KIRREL3: variants seen among roughly 807,000 people sequenced by gnomAD.
KIRREL3 encodes kin of IRRE-like protein 3.
In KIRREL3, 36 loss-of-function variants were observed where a neutral mutation model predicts 89.7. The observed-to-expected ratio is 0.40, with a 90% CI of 0.31 to 0.53. The LOEUF (loss-of-function observed/expected upper bound fraction) is 0.53, where lower values mean the gene tolerates loss of function less well. KIRREL3 is among the 20% of genes least tolerant of loss of function. The pLI is 0.49. For synonymous variants in KIRREL3, 445 were observed against 441.4 expected (o/e 1.01, Z -0.10); for missense variants, 864 against 1,056.6 (o/e 0.82, Z 2.53).
At position 126,708,180 on chromosome 11, in the gene KIRREL3, G is replaced by A. The variant is rs947141463; in HGVS notation, c.56-145268C>T. On this transcript the variant is annotated intron_variant, in intron 1 of 16. Coordinates refer to ENST00000525144, the MANE Select transcript of KIRREL3 (RefSeq NM_032531.4). The surrounding 1 kb of genome is among the most constrained non-coding windows in gnomAD (Gnocchi z 5.7). ...TCCCTGGTCAGGCGGTATTCATGCC[G>A]CCTGGAAACTCATCTGCCTGTGCCG... Among the ~76,000 whole-genome samples, 4 of 152,130 alleles carry A rather than the reference G, an allele frequency of 2.6e-5. No individual in the cohort carries two copies. Among genetic ancestry groups the A allele is most frequent in the African/African-American group, 7.2e-5 (3 of 41,396 alleles).
chr11:126,856,581 A>G (rs868773977), intron 1 of KIRREL3, among the ~76,000 whole-genome samples: 2 of 134,952 alleles, frequency 1.5e-5, no homozygotes, highest in African/African-American at 5.2e-5. Flanking sequence ...ATATATATAT[A>G]TATATATATA....
intron 7 of KIRREL3, among the ~76,000 whole-genome samples, chr11:126,451,611 T>C (rs1338689062): frequency 1.3e-5 from 2 of 150,302 alleles, no homozygotes; most frequent in South Asian, 2.1e-4. Context: ...AGCATGTGCA[T>C]GTGTGCATGT....
At position 126,782,751 on chromosome 11, in the gene KIRREL3, G is replaced by T. The variant is rs1327890294; in HGVS notation, c.55+217704C>A. On this transcript the variant is annotated intron_variant, in intron 1 of 16. Transcript: ENST00000525144. This position sits in a 1 kb window ranked among gnomAD's most constrained non-coding sequence, Gnocchi z 4.1. ...ATGAACTTATATTTAGCTTAATATA[G>T]ATATAGATGTTATGTATGGAAATAT... 6.6e-6 allele frequency among the ~76,000 whole-genome samples: 1 copy of T among 152,148 alleles called. No individual in the cohort carries two copies. Among genetic ancestry groups the T allele is most frequent in the African/African-American group, 2.4e-5 (1 of 41,422 alleles).
At chr11:126,869,196 T>A (rs1234969971) in intron 1 of KIRREL3, among the ~76,000 whole-genome samples, 1 of 141,346 alleles carries the variant, frequency 7.1e-6, no homozygotes, top group South Asian at 2.3e-4. Context: ...CATGGCAGAA[T>A]CCCTGGGTAG....
chr11:126,670,669 T>G (rs913794872), intron 1 of KIRREL3, among the ~76,000 whole-genome samples: 3 of 152,240 alleles, frequency 2.0e-5, no homozygotes, highest in African/African-American at 7.2e-5. Flanking sequence ...GTAAGCTGCC[T>G]ACCTTGCCCC....
At chr11:126,800,111 C>T (rs1040229200) in intron 1 of KIRREL3, among the ~76,000 whole-genome samples, 1 of 152,166 alleles carries the variant, frequency 6.6e-6, no homozygotes, top group East Asian at 1.9e-4. Flanking sequence ...GGGGCTGGGC[C>T]CCGCTGCATC....
rs1958805588 is a variant in KIRREL3 at position 126,527,736 on chromosome 11, G to A, written c.134-1049C>T. On this transcript the variant is annotated intron_variant, in intron 2 of 16. Transcript: ENST00000525144. The surrounding 1 kb of genome is among the most constrained non-coding windows in gnomAD (Gnocchi z 4.2). ...GCTCAGGGTTAACTGAATTGCCCAG[G>A]GAACTGTCTAGTGGGAGTTGGGGTG... is the stretch of plus-strand genomic sequence containing the variant. Among the ~76,000 whole-genome samples, 1 of 152,130 alleles carries A rather than the reference G, an allele frequency of 6.6e-6. No individual in the cohort carries two copies. Among genetic ancestry groups the A allele is most frequent in the South Asian group, 2.1e-4 (1 of 4,826 alleles).
At chr11:126,971,613 C>G (rs1949426952) in intron 1 of KIRREL3, among the ~76,000 whole-genome samples, 1 of 152,088 alleles carries the variant, frequency 6.6e-6, no homozygotes, top group Non-Finnish European at 1.5e-5. Context: ...AAAGGAACCA[C>G]AGAAATGAAA....
intron 1 of KIRREL3, among the ~76,000 whole-genome samples, chr11:126,915,344 T>C (rs913011744): frequency 6.6e-6 from 1 of 152,190 alleles, no homozygotes; most frequent in East Asian, 1.9e-4. Context: ...AATTAGGAAA[T>C]TGAATTTCAG....
rs1235150074 is a variant in KIRREL3, at chr11:126,768,004, T to A, written c.56-205092A>T. Among the ~76,000 whole-genome samples the A allele has an allele frequency of 6.6e-6, 1 of 152,212 alleles. No homozygotes were observed. Among genetic ancestry groups the A allele is most frequent in the African/African-American group, 2.4e-5 (1 of 41,456 alleles). On this transcript the variant is annotated intron_variant, in intron 1 of 16. Coordinates refer to ENST00000525144, the MANE Select transcript of KIRREL3 (RefSeq NM_032531.4). This position sits in a 1 kb window ranked among gnomAD's most constrained non-coding sequence, Gnocchi z 4.5. Reference sequence around the variant, plus strand: ...TGAAGTCCAAATAATCTTCATGACATCCAAAGCCCTGTGTTCTGCTTCTGA... The same window carrying A: ...TGAAGTCCAAATAATCTTCATGACAACCAAAGCCCTGTGTTCTGCTTCTGA...
At chr11:126,584,694 C>G (rs1185079194) in intron 1 of KIRREL3, among the ~76,000 whole-genome samples, 1 of 152,110 alleles carries the variant, frequency 6.6e-6, no homozygotes, top group Non-Finnish European at 1.5e-5. Flanking sequence ...GAAGGTGAAG[C>G]AGGTGGGGTG....
chr11:126,968,527 T>C (rs953310182), intron 1 of KIRREL3, among the ~76,000 whole-genome samples: 1 of 152,156 alleles, frequency 6.6e-6, no homozygotes, highest in Non-Finnish European at 1.5e-5. Flanking sequence ...ATTGCTGCCA[T>C]CAAAGGCTCA....
In KIRREL3 at chr11:126,645,319, G is replaced by A. The variant is rs1349122121; in HGVS notation, c.56-82407C>T. Among the ~76,000 whole-genome samples the A allele has an allele frequency of 6.6e-6, 1 of 152,096 alleles. No individual in the cohort carries two copies. Among genetic ancestry groups the A allele is most frequent in the Non-Finnish European group, 1.5e-5 (1 of 68,030 alleles). On this transcript the variant is annotated intron_variant, in intron 1 of 16. Transcript: ENST00000525144. This position sits in a 1 kb window ranked among gnomAD's most constrained non-coding sequence, Gnocchi z 4.9. ...AAGACCTCCAGCGTCTTCATGTGTGGTCCTCAAATCCTGAATACTTCTCTC... is the reference window on the plus strand; with the variant it reads ...AAGACCTCCAGCGTCTTCATGTGTGATCCTCAAATCCTGAATACTTCTCTC...
chr11:126,603,253 T>C (rs1253461399), intron 1 of KIRREL3, among the ~76,000 whole-genome samples: 2 of 152,342 alleles, frequency 1.3e-5, no homozygotes, highest in East Asian at 1.9e-4. Context: ...TGAATACCGA[T>C]GGGCAGGCAA....
At chr11:126,681,731 T>C (rs1009983911) in intron 1 of KIRREL3, 2 of 354,626 alleles carry the variant, frequency 5.6e-6, no homozygotes, top group African/African-American at 4.3e-5. Context: ...AAACATTTGT[T>C]TAATTGAATT....
Position 126,535,676 on chromosome 11 carries a change from T to C in KIRREL3, c.134-8989A>G, listed in dbSNP as rs988465084. ...CCAGACATTTGCTGCTTCTATTCCTTATCAAGCACTTAAGATTTTGGTTGA... is the reference window on the plus strand; with the variant it reads ...CCAGACATTTGCTGCTTCTATTCCTCATCAAGCACTTAAGATTTTGGTTGA... On this transcript the variant is annotated intron_variant, in intron 2 of 16. Transcript: ENST00000525144. The surrounding 1 kb of genome is among the most constrained non-coding windows in gnomAD (Gnocchi z 4.5). Among the ~76,000 whole-genome samples the C allele has an allele frequency of 2.0e-5, 3 of 152,136 alleles. No individual in the cohort carries two copies. The highest frequency in any genetic ancestry group is 1.5e-5 in the Non-Finnish European group (1 of 68,028).
At chr11:126,633,714 G>C (rs1944145480) in intron 1 of KIRREL3, among the ~76,000 whole-genome samples, 1 of 152,072 alleles carries the variant, frequency 6.6e-6, no homozygotes, top group Non-Finnish European at 1.5e-5. Context: ...AAATTACCCA[G>C]CCTCCAGTAT....
Position 126,736,077 on chromosome 11 carries a change from T to C in KIRREL3, c.56-173165A>G, listed in dbSNP as rs2134206931. Reference sequence around the variant, plus strand: ...CGTAGTGCCTAGCAGAGAGTACATGTTGAATACATTTATTAGTTTCTTTCT... The same window carrying C: ...CGTAGTGCCTAGCAGAGAGTACATGCTGAATACATTTATTAGTTTCTTTCT... On this transcript the variant is annotated intron_variant, in intron 1 of 16. Transcript: ENST00000525144. This position sits in a 1 kb window ranked among gnomAD's most constrained non-coding sequence, Gnocchi z 5.0. 6.6e-6 allele frequency among the ~76,000 whole-genome samples: 1 copy of C among 152,278 alleles called. No homozygotes were observed. Among genetic ancestry groups the C allele is most frequent in the South Asian group, 2.1e-4 (1 of 4,818 alleles).
chr11:126,526,548 C>T lies in KIRREL3; in HGVS notation c.273G>A (p.Arg91=). The T allele has an allele frequency of 6.2e-7, 1 of 1,613,034 alleles. No homozygotes were observed. Among genetic ancestry groups the T allele is most frequent in the South Asian group, 1.1e-5 (1 of 90,758 alleles). The change falls in exon 3 of 17, where the codon AGG becomes AGA. Residue 91 remains arginine (R), a synonymous_variant. Coordinates refer to ENST00000525144, the MANE Select transcript of KIRREL3 (RefSeq NM_032531.4). This position sits in a 1 kb window ranked among gnomAD's most constrained non-coding sequence, Gnocchi z 5.7. The part of the protein sequence containing the change: ...IKDGLALGVG[R]DLSSYPQYLV... ...TCTGGAGGTACTCACTTGAGAGGTCCCTGCCCACACCCAGAGCCAAGCCGT... is the reference window on the plus strand; with the variant it reads ...TCTGGAGGTACTCACTTGAGAGGTCTCTGCCCACACCCAGAGCCAAGCCGT...
Sources: gnomAD v4.1 joint callset for allele counts (sites outside exome capture counted in the v4.1 genomes callset) on GRCh38, gnomAD v4.1.1 for gene constraint, Gnocchi (gnomAD v3.1) non-coding constraint, MANE v1.5 for transcripts, NCBI Gene and HGNC (gene_info 2026-07-23, HGNC 2026-07-21) for gene names.